The following MALRD1 variants were observed in gnomAD, a reference collection of about 807,000 sequenced individuals.
MALRD1 encodes MAM and LDL receptor class A domain containing 1.
A neutral mutation model predicts 242.1 loss-of-function variants in MALRD1; 247 were observed. That is an observed-to-expected ratio of 1.02 (90% CI 0.92 to 1.13). The LOEUF is 1.13. Ranked by LOEUF, MALRD1 falls within the 50% of genes most tolerant of loss-of-function variation. MALRD1 has a pLI of 0.00. For missense variants in MALRD1, 2,989 were observed against 2,533.1 expected (o/e 1.18, Z -3.86); for synonymous variants, 995 against 866.6 (o/e 1.15, Z -2.60).
chr10:19,706,422 C>T (rs1018736363), intron 38 of MALRD1, among the ~76,000 whole-genome samples: 4 of 152,034 alleles, frequency 2.6e-5, no homozygotes, highest in Admixed American at 6.6e-5. Context: ...CTGCCCCCGC[C>T]CCCCTTGGCC....
At chr10:19,631,349 A>G (rs1319548610) in intron 36 of MALRD1, among the ~76,000 whole-genome samples, 1 of 152,150 alleles carries the variant, frequency 6.6e-6, no homozygotes, top group Non-Finnish European at 1.5e-5. Context: ...GCTGCATAGT[A>G]TTTCATGATG....
chr10:19,299,500 A>G (rs1396008341), intron 21 of MALRD1, among the ~76,000 whole-genome samples: 2 of 151,996 alleles, frequency 1.3e-5, no homozygotes, highest in Non-Finnish European at 2.9e-5. Flanking sequence ...TATGCATCCA[A>G]TACTGGAGCA....
At chr10:19,258,127 T>TA (rs1203533665) in intron 19 of MALRD1, among the ~76,000 whole-genome samples, 2 of 152,196 alleles carry the variant, frequency 1.3e-5, no homozygotes, top group Non-Finnish European at 2.9e-5. Context: ...CCTCTCGGAT[T>TA]ACTCTCGGGA....
intron 12 of MALRD1, among the ~76,000 whole-genome samples, chr10:19,162,580 T>C (rs1310844498): frequency 6.6e-6 from 1 of 152,122 alleles, no homozygotes; most frequent in Non-Finnish European, 1.5e-5. Flanking sequence ...TTAAAATTGA[T>C]CATTAGAGAA....
At chr10:19,726,935 G>T (rs1290514327) in intron 38 of MALRD1, among the ~76,000 whole-genome samples, 1 of 152,186 alleles carries the variant, frequency 6.6e-6, no homozygotes, top group Non-Finnish European at 1.5e-5. Context: ...CCTGGGATTG[G>T]TTGGAGGGGA....
At chr10:19,270,454 C>T (rs1466487566) in intron 19 of MALRD1, among the ~76,000 whole-genome samples, 3 of 151,188 alleles carry the variant, frequency 2.0e-5, no homozygotes, top group Admixed American at 6.6e-5. Flanking sequence ...GAAATGTTAA[C>T]TATAACATAG....
At chr10:19,444,303 T>G (rs1834838865) in intron 28 of MALRD1, among the ~76,000 whole-genome samples, 1 of 152,242 alleles carries the variant, frequency 6.6e-6, no homozygotes, top group South Asian at 2.1e-4. Flanking sequence ...ATTGAGCCCA[T>G]TTACATTTAA....
chr10:19,331,166 T>C (rs1843348566), intron 23 of MALRD1, among the ~76,000 whole-genome samples: 1 of 152,132 alleles, frequency 6.6e-6, no homozygotes, highest in African/African-American at 2.4e-5. Flanking sequence ...CCCACATTCT[T>C]AGGTGTTGAG....
At chr10:19,214,479 T>C (rs1446880181) in intron 18 of MALRD1, among the ~76,000 whole-genome samples, 1 of 152,222 alleles carries the variant, frequency 6.6e-6, no homozygotes, top group Non-Finnish European at 1.5e-5. Context: ...ATACAGTCTG[T>C]TGCTACACAT....
At chr10:19,419,456 A>G (rs1029632420) in intron 28 of MALRD1, among the ~76,000 whole-genome samples, 2 of 151,928 alleles carry the variant, frequency 1.3e-5, no homozygotes, top group African/African-American at 4.8e-5. Flanking sequence ...CACCATGCCC[A>G]GCAAATTTAA....
In MALRD1 at chr10:19,049,139, T is replaced by TA; in HGVS notation, c.199+4dup. The TA allele has an allele frequency of 3.2e-6, 4 of 1,233,810 alleles. No individual in the cohort carries two copies. The highest frequency in any genetic ancestry group is 2.0e-6 in the Non-Finnish European group (2 of 988,084). The allele number at this position is 1,233,810 out of a possible 1,614,324, so 76.4% of individuals were successfully genotyped here. A position where few individuals can be genotyped will look rare whatever the true frequency, so the allele number is the denominator to read the frequency against. ...GGGATAGCAGTGATGAACGGCACTGTAAGTGACATTCTCCTTTCTCCAATT... is the reference window on the plus strand; with the variant it reads ...GGGATAGCAGTGATGAACGGCACTGTAAAGTGACATTCTCCTTTCTCCAATT... On this transcript the variant is annotated splice_region_variant and intron_variant, in intron 1 of 39. Coordinates refer to ENST00000454679, the MANE Select transcript of MALRD1 (RefSeq NM_001142308.3).
rs537283041 is a variant in MALRD1, at chr10:19,574,575, A to G, written c.5680+6872A>G. Among the ~76,000 whole-genome samples, 16 of 152,328 alleles carry G rather than the reference A, an allele frequency of 1.1e-4. No individual in the cohort carries two copies. In the South Asian group the frequency reaches 1.9e-3, roughly 18 times the overall value. On this transcript the variant is annotated intron_variant, in intron 33 of 39. Transcript: ENST00000454679. The stretch of plus-strand genomic sequence containing the variant: ...CAGGCTCTGTGTGGTGTATCAAGTG[A>G]TAGAAAGAGAACCACTGGAATGAAA...
chr10:19,181,048 A>AT (rs965002519), intron 14 of MALRD1, among the ~76,000 whole-genome samples: 1 of 145,692 alleles, frequency 6.9e-6, no homozygotes, highest in Non-Finnish European at 1.5e-5. Context: ...GATAGCTATA[A>AT]TTAAAAAAAA....
chr10:19,512,701 A>G (rs1833459250), intron 31 of MALRD1, among the ~76,000 whole-genome samples: 1 of 152,202 alleles, frequency 6.6e-6, no homozygotes. Context: ...TAAAATTTTA[A>G]ATGATTTATA....
At chr10:19,610,350 T>C (rs1037221789) in intron 35 of MALRD1, among the ~76,000 whole-genome samples, 11 of 151,936 alleles carry the variant, frequency 7.2e-5, no homozygotes, top group Non-Finnish European at 1.2e-4. Context: ...TTTGTACCCA[T>C]TGGCCAACCT....
intron 26 of MALRD1, among the ~76,000 whole-genome samples, chr10:19,376,542 C>CATTTTTTTTTTTTT (rs1554842468): frequency 4.2e-5 from 4 of 94,992 alleles, no homozygotes; most frequent in African/African-American, 1.2e-4. Context: ...TTGATACATT[C>CATTTTTTTTTTTTT]TTTTTTTTTT....
At chr10:19,373,594 A>T (rs1845481227) in intron 26 of MALRD1, among the ~76,000 whole-genome samples, 1 of 152,114 alleles carries the variant, frequency 6.6e-6, no homozygotes. Flanking sequence ...GAAGAAGAAA[A>T]AAATGACAAC....
At chr10:19,615,720 A>G in intron 35 of MALRD1, 137 bp from the exon 36 acceptor site, 1 of 661,440 alleles carries the variant, frequency 1.5e-6, no homozygotes, top group South Asian at 2.3e-5. Context: ...AGCCTATGGG[A>G]ATTCTTTTGC....
intron 26 of MALRD1, among the ~76,000 whole-genome samples, chr10:19,382,450 TG>T (rs1429322361): frequency 6.6e-6 from 1 of 152,158 alleles, no homozygotes. Context: ...AATATCTGAA[TG>T]GTTTTATTCT....
Sources: gnomAD v4.1 joint callset for allele counts (sites outside exome capture counted in the v4.1 genomes callset) on GRCh38, gnomAD v4.1.1 for gene constraint, MANE v1.5 for transcripts, NCBI Gene and HGNC (gene_info 2026-07-23, HGNC 2026-07-21) for gene names.